Variants in LRP1B observed in about 807,000 individuals in gnomAD.
LRP1B encodes low-density lipoprotein receptor-related protein 1B.
LRP1B carries 217 observed loss-of-function variants against 556.6 expected under a neutral mutation model. That is an observed-to-expected ratio of 0.39 (90% CI 0.35 to 0.44). The LOEUF (loss-of-function observed/expected upper bound fraction) is 0.44. Ranked by LOEUF, LRP1B falls within the 20% of genes least tolerant of loss-of-function variation. The probability of loss-of-function intolerance (pLI) is 1.00; values close to 1 mark genes in which losing one functional copy is unlikely to be tolerated. For missense variants in LRP1B, 5,053 were observed against 5,620.8 expected (o/e 0.90, Z 3.23); for synonymous variants, 2,047 against 1,865.8 (o/e 1.10, Z -2.50).
At chr2:140,659,098 GTTTTTTTTTTT>G (rs59651364) in intron 41 of LRP1B, among the ~76,000 whole-genome samples, 6 of 61,138 alleles carry the variant, frequency 9.8e-5, no homozygotes, top group Admixed American at 8.9e-4. Flanking sequence ...CTGTAAATCT[GTTTTTTTTTTT>G]TTTTTTTTTT....
At chr2:140,788,743 A>G (rs959855184) in intron 32 of LRP1B, among the ~76,000 whole-genome samples, 1 of 152,214 alleles carries the variant, frequency 6.6e-6, no homozygotes, top group Non-Finnish European at 1.5e-5. Flanking sequence ...CCTCCCTGTT[A>G]AAGACTTTAT....
intron 1 of LRP1B, among the ~76,000 whole-genome samples, chr2:142,017,541 G>T (rs1408426242): frequency 1.3e-5 from 2 of 152,002 alleles, no homozygotes; most frequent in Non-Finnish European, 2.9e-5. Context: ...CACATAGAAG[G>T]TGTTCAGTAA....
Position 141,721,686 on chromosome 2 carries a change from C to T in LRP1B, c.205+88593G>A, listed in dbSNP as rs1038640209. ...TGTTCTTCAGGAAGATTAAGCAAAA[C>T]GATATACTTGTTAAAAATAAATTAT... On this transcript the variant is annotated intron_variant, in intron 2 of 90. Coordinates refer to ENST00000389484, the MANE Select transcript of LRP1B (RefSeq NM_018557.3). Among the ~76,000 whole-genome samples the T allele has an allele frequency of 3.0e-4, 45 of 152,070 alleles. 1 individual carries two copies. The highest frequency in any genetic ancestry group is 7.9e-4 in the Admixed American group (12 of 15,268).
chr2:141,474,724 T>A (rs1339635086), intron 3 of LRP1B, among the ~76,000 whole-genome samples: 2 of 152,148 alleles, frequency 1.3e-5, no homozygotes, highest in African/African-American at 4.8e-5. Flanking sequence ...GCCAATTAAT[T>A]ATGTCATATA....
intron 3 of LRP1B, among the ~76,000 whole-genome samples, chr2:141,478,255 G>A (rs536308533): frequency 7.9e-5 from 12 of 152,034 alleles, no homozygotes; most frequent in Admixed American, 4.6e-4. Context: ...ATTTTCATAC[G>A]ATCCTTGGCA....
intron 27 of LRP1B, among the ~76,000 whole-genome samples, chr2:140,855,184 G>T (rs533545541): frequency 6.6e-6 from 1 of 151,840 alleles, no homozygotes; most frequent in South Asian, 2.1e-4. Context: ...GGTGCTTAAG[G>T]TTCTATACAC....
intron 43 of LRP1B, among the ~76,000 whole-genome samples, chr2:140,586,206 C>T (rs2105151446): frequency 1.3e-5 from 2 of 152,246 alleles, no homozygotes; most frequent in East Asian, 3.9e-4. Context: ...AGAGAAAAAG[C>T]AACCCAGCTG....
intron 14 of LRP1B, among the ~76,000 whole-genome samples, chr2:141,007,062 A>G (rs979946933): frequency 6.6e-6 from 1 of 151,908 alleles, no homozygotes; most frequent in African/African-American, 2.4e-5. Flanking sequence ...AATAAATAAC[A>G]TTTTTTATAT....
At chr2:140,355,094 G>A (rs1573836346) in intron 75 of LRP1B, among the ~76,000 whole-genome samples, 1 of 151,690 alleles carries the variant, frequency 6.6e-6, no homozygotes, top group African/African-American at 2.4e-5. Flanking sequence ...ACAAAAAAGT[G>A]GATTCATAGC....
intron 66 of LRP1B, among the ~76,000 whole-genome samples, chr2:140,425,324 C>A (rs112011730): frequency 6.6e-6 from 1 of 152,072 alleles, no homozygotes; most frequent in Admixed American, 6.6e-5. Context: ...TATAATAGAT[C>A]AAGGAAGCTG....
intron 3 of LRP1B, among the ~76,000 whole-genome samples, chr2:141,416,491 T>C (rs1691109467): frequency 6.9e-6 from 1 of 145,656 alleles, no homozygotes; most frequent in African/African-American, 2.5e-5. Flanking sequence ...TCTCACTCTG[T>C]CGCCCAGACT....
intron 29 of LRP1B, among the ~76,000 whole-genome samples, chr2:140,845,401 T>C (rs1559152914): frequency 6.6e-6 from 1 of 152,138 alleles, no homozygotes; most frequent in Non-Finnish European, 1.5e-5. Context: ...GTGTCTACTT[T>C]TCTCTCCATC....
At chr2:141,016,863 T>TC (rs1422727266) in intron 12 of LRP1B, among the ~76,000 whole-genome samples, 3 of 152,024 alleles carry the variant, frequency 2.0e-5, no homozygotes, top group African/African-American at 7.2e-5. Context: ...ATCCCCTGCC[T>TC]CCCCCATTTT....
chr2:140,980,643 C>T lies in LRP1B; in HGVS notation c.2887+1517G>A, dbSNP rs184284720. Among the ~76,000 whole-genome samples the T allele has an allele frequency of 1.6e-3, 236 of 152,200 alleles. 1 individual carries two copies. The highest frequency in any genetic ancestry group is 2.7e-3 in the Non-Finnish European group (182 of 67,988). On this transcript the variant is annotated intron_variant, in intron 18 of 90. Transcript: ENST00000389484. Reference sequence around the variant, plus strand: ...TAGGTAAGCATCCTCCAAATACAGGCATTTAAATTGAGAGGTTACCACCAT... The same window carrying T: ...TAGGTAAGCATCCTCCAAATACAGGTATTTAAATTGAGAGGTTACCACCAT...
intron 86 of LRP1B, among the ~76,000 whole-genome samples, chr2:140,257,602 A>G (rs1275034609): frequency 6.6e-6 from 1 of 152,214 alleles, no homozygotes; most frequent in African/African-American, 2.4e-5. Context: ...GGCATGGTGA[A>G]AGCTAAAGTA....
At chr2:142,118,450 T>G (rs904469284) in intron 1 of LRP1B, among the ~76,000 whole-genome samples, 17 of 152,292 alleles carry the variant, frequency 1.1e-4, no homozygotes, top group African/African-American at 4.1e-4. Flanking sequence ...CTTGGCTCTT[T>G]ACAGCAGGTT....
At chr2:140,249,271 G>C (rs1681303899) in intron 86 of LRP1B, among the ~76,000 whole-genome samples, 1 of 151,730 alleles carries the variant, frequency 6.6e-6, no homozygotes, top group Non-Finnish European at 1.5e-5. Context: ...ATTATATTTT[G>C]AGATCTCCAG....
intron 3 of LRP1B, among the ~76,000 whole-genome samples, chr2:141,462,383 T>C (rs1175497304): frequency 2.0e-5 from 3 of 152,122 alleles, no homozygotes; most frequent in East Asian, 3.9e-4. Flanking sequence ...TCTCCTCCTA[T>C]TGTACAATAA....
At chr2:140,830,165 C>G (rs940930347) in intron 31 of LRP1B, among the ~76,000 whole-genome samples, 1 of 151,956 alleles carries the variant, frequency 6.6e-6, no homozygotes, top group Non-Finnish European at 1.5e-5. Context: ...ACTTCACTAG[C>G]AAATTATACC....
Sources: gnomAD v4.1 joint callset for allele counts (sites outside exome capture counted in the v4.1 genomes callset) on GRCh38, gnomAD v4.1.1 for gene constraint, MANE v1.5 for transcripts, NCBI Gene and HGNC (gene_info 2026-07-23, HGNC 2026-07-21) for gene names.